KCNMB2: variants seen among roughly 807,000 people sequenced by gnomAD.
KCNMB2 encodes the protein calcium-activated potassium channel subunit beta-2.
A neutral mutation model predicts 24.5 loss-of-function variants in KCNMB2; 9 were observed. The ratio of observed to expected loss-of-function variants is 0.37; its 90% CI spans 0.22 to 0.64. The LOEUF (loss-of-function observed/expected upper bound fraction) is 0.64. KCNMB2 is among the 30% of genes least tolerant of loss of function. The pLI, the probability that KCNMB2 is intolerant of heterozygous loss-of-function variation, is 0.63. For missense variants in KCNMB2, 226 were observed against 284.3 expected (o/e 0.79, Z 1.47); for synonymous variants, 109 against 104.4 (o/e 1.04, Z -0.27).
In KCNMB2 at chr3:178,741,956, T is replaced by C. The variant is rs183812054; in HGVS notation, c.-67-65387T>C. ...ACCTATCTAGCTCCTAAGATTATTA[T>C]GTGGAAGAATAAACATAAGCTTTAA... On this transcript the variant is annotated intron_variant, in intron 1 of 4. Coordinates refer to ENST00000452583, the MANE Select transcript of KCNMB2 (RefSeq NM_181361.3). 1.3e-4 allele frequency among the ~76,000 whole-genome samples: 20 copies of C among 152,344 alleles called. No individual in the cohort carries two copies. In the East Asian group the frequency reaches 1.3e-3, roughly 10 times the overall value.
chr3:178,634,522 GACTC>G (rs1251739833), intron 1 of KCNMB2, among the ~76,000 whole-genome samples: 6 of 152,042 alleles, frequency 3.9e-5, no homozygotes, highest in Admixed American at 3.9e-4. Context: ...TGAGATATCT[GACTC>G]ACTATCATGA....
At chr3:178,610,037 T>TCAC (rs1718425920) in intron 1 of KCNMB2, among the ~76,000 whole-genome samples, 2 of 152,320 alleles carry the variant, frequency 1.3e-5, no homozygotes, top group South Asian at 4.1e-4. Context: ...GAGACTATCT[T>TCAC]TTTTCCAGTG....
intron 1 of KCNMB2, among the ~76,000 whole-genome samples, chr3:178,794,904 C>T (rs550394645): frequency 2.0e-5 from 3 of 152,230 alleles, no homozygotes; most frequent in East Asian, 3.9e-4. Context: ...CATCATACTC[C>T]TTTATGGCAA....
At chr3:178,568,484 C>A (rs951302928) in intron 1 of KCNMB2, among the ~76,000 whole-genome samples, 3 of 152,196 alleles carry the variant, frequency 2.0e-5, no homozygotes, top group Non-Finnish European at 4.4e-5. Flanking sequence ...ATATCTTGAA[C>A]ACTCATAATG....
chr3:178,759,649 A>ATC (rs1236069939), intron 1 of KCNMB2, among the ~76,000 whole-genome samples: 1 of 89,094 alleles, frequency 1.1e-5, no homozygotes, highest in African/African-American at 3.8e-5. Flanking sequence ...ATATATATAT[A>ATC]TATCTCCAAG....
intron 1 of KCNMB2, among the ~76,000 whole-genome samples, chr3:178,558,301 A>G (rs894966533): frequency 5.9e-5 from 9 of 152,228 alleles, no homozygotes; most frequent in Non-Finnish European, 1.2e-4. Flanking sequence ...ATCCTACAGA[A>G]TCAGCAGGAT....
chr3:178,636,815 G>A (rs1316106342), intron 1 of KCNMB2, among the ~76,000 whole-genome samples: 1 of 138,308 alleles, frequency 7.2e-6, no homozygotes, highest in African/African-American at 2.9e-5. Context: ...CATGTGCCGT[G>A]GTGGTTTGCT....
intron 1 of KCNMB2, among the ~76,000 whole-genome samples, chr3:178,705,771 G>A (rs1232775730): frequency 4.6e-5 from 7 of 152,182 alleles, no homozygotes; most frequent in Middle Eastern, 3.4e-3. Context: ...CAGCATATCT[G>A]AAATAATCAC....
At chr3:178,682,438 T>C (rs923020291) in intron 1 of KCNMB2, among the ~76,000 whole-genome samples, 2 of 152,084 alleles carry the variant, frequency 1.3e-5, no homozygotes, top group Admixed American at 6.5e-5. Context: ...TGTCACCTAT[T>C]TACTCAAATC....
rs1722495640 is a variant in KCNMB2 at position 178,712,764 on chromosome 3, A to G, written c.-67-94579A>G. On this transcript the variant is annotated intron_variant, in intron 1 of 4. Transcript: ENST00000452583. The stretch of plus-strand genomic sequence containing the variant: ...ACAGACTCCAGAGACTTCTGCCTCA[A>G]TCACAGTGCAAACTGCCTTTCTATA... Among the ~76,000 whole-genome samples the G allele has an allele frequency of 8.5e-5, 13 of 152,210 alleles. 1 individual carries two copies. Among genetic ancestry groups the G allele is most frequent in the Admixed American group, 8.5e-4 (13 of 15,286 alleles).
At chr3:178,804,683 T>C (rs1251200347) in intron 1 of KCNMB2, among the ~76,000 whole-genome samples, 2 of 152,230 alleles carry the variant, frequency 1.3e-5, no homozygotes, top group South Asian at 2.1e-4. Flanking sequence ...TTTCACTTTG[T>C]ATAGTTTCAA....
intron 1 of KCNMB2, among the ~76,000 whole-genome samples, chr3:178,657,580 T>C (rs976799081): frequency 1.3e-5 from 2 of 152,266 alleles, no homozygotes; most frequent in African/African-American, 4.8e-5. Flanking sequence ...CTCATGTCTG[T>C]GGTCTGTAAT....
intron 1 of KCNMB2, among the ~76,000 whole-genome samples, chr3:178,640,422 G>T (rs772781102): frequency 6.6e-6 from 1 of 152,048 alleles, no homozygotes; most frequent in Non-Finnish European, 1.5e-5. Flanking sequence ...ACCAGATCTT[G>T]TAAGAACTCA....
chr3:178,675,032 G>C (rs937429916), intron 1 of KCNMB2, among the ~76,000 whole-genome samples: 18 of 152,056 alleles, frequency 1.2e-4, no homozygotes, highest in Non-Finnish European at 2.9e-5. Flanking sequence ...TAAAATAGAC[G>C]GCAAGCTTCA....
intron 1 of KCNMB2, among the ~76,000 whole-genome samples, chr3:178,585,211 A>G (rs191396091): frequency 2.0e-5 from 3 of 152,358 alleles, no homozygotes; most frequent in African/African-American, 7.2e-5. Context: ...AGACTTTGGC[A>G]GAACTTGTTA....
chr3:178,678,619 A>G (rs1721153845), intron 1 of KCNMB2, among the ~76,000 whole-genome samples: 1 of 152,232 alleles, frequency 6.6e-6, no homozygotes, highest in Admixed American at 6.5e-5. Context: ...TACCCAGAAC[A>G]CTGAGAACCA....
chr3:178,713,395 CA>C (rs1206397698), intron 1 of KCNMB2, among the ~76,000 whole-genome samples: 1 of 152,082 alleles, frequency 6.6e-6, no homozygotes, highest in Non-Finnish European at 1.5e-5. Context: ...AATGGGCAGA[CA>C]AAATAAGAAA....
chr3:178,758,526 GTATATATA>G (rs1269453179), intron 1 of KCNMB2, among the ~76,000 whole-genome samples: 1 of 12,590 alleles, frequency 7.9e-5, no homozygotes, highest in South Asian at 4.2e-3. Flanking sequence ...AAGAGGAGAT[GTATATATA>G]TATATATATA....
chr3:178,758,464 A>G (rs1291482795), intron 1 of KCNMB2, among the ~76,000 whole-genome samples: 3 of 84,168 alleles, frequency 3.6e-5, no homozygotes, highest in Admixed American at 1.4e-4. Context: ...GGTGATATAT[A>G]TACATATATA....
Sources: allele counts gnomAD v4.1 joint callset (sites outside exome capture counted in the v4.1 genomes callset), GRCh38; gene constraint gnomAD v4.1.1; transcripts MANE v1.5; gene names NCBI Gene and HGNC (gene_info 2026-07-23, HGNC 2026-07-21).